Variants in PDE4B observed in about 807,000 individuals in gnomAD.
The protein encoded by PDE4B is phosphodiesterase 4B, also known as 3',5'-cyclic-AMP phosphodiesterase 4B.
A neutral mutation model predicts 82.2 loss-of-function variants in PDE4B; 20 were observed. The observed-to-expected ratio is 0.24, with a 90% CI of 0.17 to 0.35. The LOEUF (loss-of-function observed/expected upper bound fraction) is 0.35. Ranked by LOEUF, PDE4B falls within the 10% of genes least tolerant of loss-of-function variation. PDE4B has a pLI of 1.00. For missense variants in PDE4B, 655 were observed against 907.2 expected, an observed-to-expected ratio of 0.72 and a Z score of 3.57; for synonymous variants, 320 against 318.9, an observed-to-expected ratio of 1.00 and a Z score of -0.04.
At chr1:65,805,860 C>A (rs1236582766) in intron 1 of PDE4B, among the ~76,000 whole-genome samples, 1 of 152,064 alleles carries the variant, frequency 6.6e-6, no homozygotes, top group Non-Finnish European at 1.5e-5. Context: ...AATGTGAAGT[C>A]TTTTTCTCAT....
Position 66,147,402 on chromosome 1 carries a change from G to A in PDE4B, c.282-100058G>A, listed in dbSNP as rs939575874. On this transcript the variant is annotated intron_variant, in intron 3 of 16. Transcript: ENST00000341517. ...GCCCAAGATAACACTGTTAGCTGAT[G>A]GCAGGATTGGGAAAGGGAACCTGAA... Among the ~76,000 whole-genome samples, 3 of 152,150 alleles carry A rather than the reference G, an allele frequency of 2.0e-5. 1 individual carries two copies. The highest frequency in any genetic ancestry group is 4.8e-5 in the African/African-American group (2 of 41,432).
chr1:65,828,989 C>T (rs1414673303), intron 1 of PDE4B, among the ~76,000 whole-genome samples: 1 of 152,100 alleles, frequency 6.6e-6, no homozygotes, highest in Non-Finnish European at 1.5e-5. Flanking sequence ...ATGGTCTAAG[C>T]ATGCCAGTTA....
At chr1:66,113,980 C>T (rs1279809589) in intron 3 of PDE4B, among the ~76,000 whole-genome samples, 3 of 152,132 alleles carry the variant, frequency 2.0e-5, no homozygotes, top group African/African-American at 4.8e-5. Flanking sequence ...CCTGAATGTT[C>T]GTGTCTCCCT....
intron 1 of PDE4B, among the ~76,000 whole-genome samples, chr1:65,897,284 T>C (rs1569599867): frequency 6.6e-6 from 1 of 152,282 alleles, no homozygotes; most frequent in East Asian, 1.9e-4. Flanking sequence ...ATGCATTGGC[T>C]TGCATAGAAT....
chr1:66,084,323 A>C (rs1656893405), intron 3 of PDE4B, among the ~76,000 whole-genome samples: 1 of 152,142 alleles, frequency 6.6e-6, no homozygotes, highest in Admixed American at 6.6e-5. Flanking sequence ...ATAAAACGCA[A>C]ATCAATCGCT....
chr1:66,299,402 T>G (rs1281297471), intron 7 of PDE4B, among the ~76,000 whole-genome samples: 5 of 152,206 alleles, frequency 3.3e-5, no homozygotes, highest in Admixed American at 6.5e-5. Context: ...AGAATTTCAT[T>G]CCTTTTCATG....
At chr1:66,135,353 G>A (rs1001975927) in intron 3 of PDE4B, among the ~76,000 whole-genome samples, 13 of 152,220 alleles carry the variant, frequency 8.5e-5, no homozygotes, top group South Asian at 4.2e-4. Flanking sequence ...GAAGGGATTC[G>A]CAGTGTCAGC....
intron 3 of PDE4B, among the ~76,000 whole-genome samples, chr1:66,039,017 C>T (rs187252110): frequency 6.6e-5 from 10 of 152,140 alleles, no homozygotes; most frequent in African/African-American, 2.4e-4. Flanking sequence ...CCCCCAGAAT[C>T]CCACAGAATT....
At chr1:66,145,437 C>A (rs796862141) in intron 3 of PDE4B, among the ~76,000 whole-genome samples, 13 of 152,280 alleles carry the variant, frequency 8.5e-5, no homozygotes, top group African/African-American at 2.9e-4. Context: ...TATTTCTCTG[C>A]CCTGATATTT....
intron 7 of PDE4B, among the ~76,000 whole-genome samples, chr1:66,269,008 G>T (rs990074850): frequency 6.6e-6 from 1 of 152,184 alleles, no homozygotes; most frequent in Non-Finnish European, 1.5e-5. Context: ...TAAGAACACA[G>T]TAAGTGTTGA....
intron 1 of PDE4B, among the ~76,000 whole-genome samples, chr1:65,834,073 C>T (rs903495717): frequency 2.6e-5 from 4 of 152,136 alleles, no homozygotes; most frequent in African/African-American, 9.7e-5. Context: ...GAGATGGAGT[C>T]TCACTCTGTC....
intron 3 of PDE4B, among the ~76,000 whole-genome samples, chr1:66,113,538 G>T (rs982628361): frequency 6.6e-6 from 1 of 152,130 alleles, no homozygotes; most frequent in Non-Finnish European, 1.5e-5. Flanking sequence ...TGCTCTAAGA[G>T]AGTGAAGAGC....
At chr1:66,370,109 C>G (rs1441207580) in intron 16 of PDE4B, among the ~76,000 whole-genome samples, 2 of 141,778 alleles carry the variant, frequency 1.4e-5, no homozygotes, top group African/African-American at 2.7e-5. Flanking sequence ...TGAGATTGTG[C>G]CACTGCATTC....
chr1:66,242,763 G>T (rs1299219352), intron 3 of PDE4B, among the ~76,000 whole-genome samples: 4 of 152,126 alleles, frequency 2.6e-5, no homozygotes, highest in Non-Finnish European at 1.5e-5. Context: ...CCAGGCTTAT[G>T]AATAAGGCTT....
chr1:66,204,446 G>A (rs561339840), intron 3 of PDE4B, among the ~76,000 whole-genome samples: 4 of 152,376 alleles, frequency 2.6e-5, no homozygotes, highest in Admixed American at 6.5e-5. Context: ...GCCCCCATAG[G>A]TGGAGCCTAC....
At chr1:66,283,942 C>T (rs1656479287) in intron 7 of PDE4B, among the ~76,000 whole-genome samples, 1 of 152,104 alleles carries the variant, frequency 6.6e-6, no homozygotes, top group African/African-American at 2.4e-5. Flanking sequence ...CATTCATTCA[C>T]CCTAAAAGCA....
chr1:65,888,764 A>G (rs536200028), intron 1 of PDE4B, among the ~76,000 whole-genome samples: 15 of 152,248 alleles, frequency 9.9e-5, no homozygotes, highest in African/African-American at 3.4e-4. Context: ...TTATTAATGT[A>G]TACAAACAAT....
At chr1:65,973,496 G>A (rs917328280) in intron 3 of PDE4B, among the ~76,000 whole-genome samples, 1 of 152,134 alleles carries the variant, frequency 6.6e-6, no homozygotes, top group Non-Finnish European at 1.5e-5. Flanking sequence ...GGAGATGAAA[G>A]TACATATCAT....
At chr1:66,349,336 C>T (rs986599232) in intron 8 of PDE4B, among the ~76,000 whole-genome samples, 3 of 152,006 alleles carry the variant, frequency 2.0e-5, no homozygotes, top group Non-Finnish European at 4.4e-5. Context: ...GCTTGTTTTT[C>T]GTTGTATACT....
Sources: allele counts gnomAD v4.1 joint callset (sites outside exome capture counted in the v4.1 genomes callset), GRCh38; gene constraint gnomAD v4.1.1; transcripts MANE v1.5; gene names NCBI Gene and HGNC (gene_info 2026-07-23, HGNC 2026-07-21).